Variants in ZFAT observed in about 807,000 individuals in gnomAD.
The protein encoded by ZFAT is zinc finger and AT-hook domain containing, also known as zinc finger protein ZFAT.
ZFAT carries 64 observed loss-of-function variants against 117.7 expected under a neutral mutation model. The ratio of observed to expected loss-of-function variants is 0.54; its 90% CI spans 0.44 to 0.67. ZFAT has a LOEUF of 0.67. Among genes scored for constraint, ZFAT ranks in the 30% least tolerant of loss-of-function variants. The pLI is 0.00. For missense variants in ZFAT, 1,433 were observed against 1,584.5 expected (o/e 0.90, Z 1.62); for synonymous variants, 679 against 615.0 (o/e 1.10, Z -1.54).
chr8:134,820,129 T>C, the ZFAT span, among the ~76,000 whole-genome samples: 1 of 152,238 alleles, frequency 6.6e-6, no homozygotes, highest in Non-Finnish European at 1.5e-5. Flanking sequence ...TAGAAGTTCA[T>C]CCTCTTAAAT....
At position 134,657,326 on chromosome 8, in the gene ZFAT, C is replaced by A. The variant is rs182685528; in HGVS notation, c.196+235G>T. ...TGACAACAAGCTCATGTTTTTCACA[C>A]TATTGAATACTGCCACTTCCATTCA... On this transcript the variant is annotated intron_variant, in intron 2 of 15. Transcript: ENST00000377838. 5.9e-5 allele frequency among the ~76,000 whole-genome samples: 9 copies of A among 152,326 alleles called. No individual in the cohort carries two copies. In the East Asian group the frequency reaches 1.7e-3, roughly 29 times the overall value.
the ZFAT span, among the ~76,000 whole-genome samples, chr8:134,722,424 G>A: frequency 2.0e-5 from 3 of 152,348 alleles, no homozygotes; most frequent in South Asian, 6.2e-4. Flanking sequence ...GTTCCCGGCA[G>A]CCTCCACCAA....
chr8:134,716,836 T>C (rs1450684021), upstream of ZFAT, among the ~76,000 whole-genome samples: 2 of 152,226 alleles, frequency 1.3e-5, no homozygotes, highest in Non-Finnish European at 2.9e-5. Flanking sequence ...TAGGATATTT[T>C]AGTAAAGAGA....
chr8:134,774,028 T>C, the ZFAT span, among the ~76,000 whole-genome samples: 1 of 126,208 alleles, frequency 7.9e-6, no homozygotes, highest in African/African-American at 3.0e-5. Flanking sequence ...GGCATTTCAC[T>C]CTTGTGGCCC....
chr8:134,825,929 G>A, the ZFAT span, among the ~76,000 whole-genome samples: 1 of 151,730 alleles, frequency 6.6e-6, no homozygotes, highest in African/African-American at 2.4e-5. Context: ...GCTGAGGCAG[G>A]AGAATGGCGT....
chr8:134,762,762 T>G, the ZFAT span, among the ~76,000 whole-genome samples: 1 of 152,228 alleles, frequency 6.6e-6, no homozygotes, highest in South Asian at 2.1e-4. Flanking sequence ...GGATGTCTAA[T>G]AACCTTTTTG....
intron 5 of ZFAT, 145 bp downstream of exon 5, chr8:134,608,584 A>T: frequency 1.0e-6 from 1 of 976,082 alleles, no homozygotes; most frequent in Non-Finnish European, 1.5e-6. Flanking sequence ...GGGTAATTCT[A>T]CTGCTGAATC....
At chr8:134,591,180 C>A (rs1297817926) in intron 7 of ZFAT, among the ~76,000 whole-genome samples, 1 of 152,202 alleles carries the variant, frequency 6.6e-6, no homozygotes, top group Non-Finnish European at 1.5e-5. Flanking sequence ...GACTCACAAC[C>A]ACTCACAAAA....
chr8:134,726,232 A>G, the ZFAT span, among the ~76,000 whole-genome samples: 19 of 152,148 alleles, frequency 1.2e-4, no homozygotes, highest in Non-Finnish European at 2.1e-4. Context: ...AAGAGGGCCA[A>G]GCGGGCAACT....
intron 1 of ZFAT, among the ~76,000 whole-genome samples, chr8:134,686,916 T>G (rs1275136628): frequency 6.6e-6 from 1 of 152,170 alleles, no homozygotes; most frequent in Non-Finnish European, 1.5e-5. Flanking sequence ...GCAGCCCAAA[T>G]TAATAGTGGC....
At chr8:134,534,465 T>C (rs990837683) in intron 11 of ZFAT, among the ~76,000 whole-genome samples, 1 of 152,192 alleles carries the variant, frequency 6.6e-6, no homozygotes, top group Non-Finnish European at 1.5e-5. Context: ...CTCTCATCTT[T>C]GAAGCTTAGA....
upstream of ZFAT, among the ~76,000 whole-genome samples, chr8:134,713,846 T>G (rs1394883402): frequency 1.3e-5 from 2 of 152,022 alleles, no homozygotes; most frequent in African/African-American, 4.8e-5. Context: ...TCATATTTTC[T>G]ACGTAGCATC....
intron 10 of ZFAT, among the ~76,000 whole-genome samples, chr8:134,567,685 A>G (rs1362309738): frequency 1.2e-5 from 1 of 84,094 alleles, no homozygotes; most frequent in Non-Finnish European, 2.4e-5. Context: ...AACTCTCCCC[A>G]ACCCACCCCA....
At chr8:134,507,446 A>C (rs1230405625) in intron 15 of ZFAT, among the ~76,000 whole-genome samples, 1 of 152,172 alleles carries the variant, frequency 6.6e-6, no homozygotes, top group African/African-American at 2.4e-5. Flanking sequence ...GATAATGGCC[A>C]GGACATACAC....
the ZFAT span, among the ~76,000 whole-genome samples, chr8:134,722,726 G>A: frequency 2.0e-5 from 3 of 152,194 alleles, no homozygotes; most frequent in African/African-American, 7.2e-5. Flanking sequence ...TGGAGATGGA[G>A]CTGCAAAGGA....
At chr8:134,491,876 G>C (rs997474499) in intron 15 of ZFAT, among the ~76,000 whole-genome samples, 2 of 152,140 alleles carry the variant, frequency 1.3e-5, no homozygotes, top group African/African-American at 4.8e-5. Context: ...GGACATCTCT[G>C]GGGCACCACT....
intron 10 of ZFAT, among the ~76,000 whole-genome samples, chr8:134,581,051 T>TA (rs1319862124): frequency 6.6e-6 from 1 of 152,110 alleles, no homozygotes; most frequent in Non-Finnish European, 1.5e-5. Context: ...CAAAGAGCTG[T>TA]AAGACATCAA....
intron 4 of ZFAT, among the ~76,000 whole-genome samples, chr8:134,609,415 C>A (rs1294602303): frequency 6.6e-6 from 1 of 152,112 alleles, no homozygotes; most frequent in Non-Finnish European, 1.5e-5. Context: ...TTCTGGGCTT[C>A]TTATTTTCCA....
intron 1 of ZFAT, among the ~76,000 whole-genome samples, chr8:134,712,623 C>CTT (rs71274891): frequency 0.081 from 11,184 of 138,174 alleles, 743 homozygotes; most frequent in African/African-American, 0.17. Context: ...TCCCGCCTTG[C>CTT]TTTTTTTTTT....
Sources: gnomAD v4.1 joint callset for allele counts (sites outside exome capture counted in the v4.1 genomes callset) on GRCh38, gnomAD v4.1.1 for gene constraint, MANE v1.5 for transcripts, NCBI Gene and HGNC (gene_info 2026-07-23, HGNC 2026-07-21) for gene names.